Variants in ZNF69 observed in about 807,000 individuals in gnomAD.
The protein encoded by ZNF69 is zinc finger protein 69, also known as ZNF3.
ZNF69 carries 47 observed loss-of-function variants against 50.9 expected under a neutral mutation model. The observed-to-expected ratio is 0.92, with a 90% confidence interval of 0.73 to 1.18. The LOEUF is 1.18. ZNF69 is among the 50% of genes most tolerant of loss of function. The pLI is 0.00. For missense variants in ZNF69, 717 were observed against 675.1 expected, an observed-to-expected ratio of 1.06 and a Z score of -0.69; for synonymous variants, 216 against 223.1, an observed-to-expected ratio of 0.97 and a Z score of 0.29.
chr19:11,917,290 C>G (rs1047140887), downstream of ZNF69, among the ~76,000 whole-genome samples: 1 of 152,240 alleles, frequency 6.6e-6, no homozygotes, highest in African/African-American at 2.4e-5. Flanking sequence ...GAACCTTCCA[C>G]TGACTCACAG....
chr19:11,962,944 G>T, the ZNF69 span, among the ~76,000 whole-genome samples: 144 of 151,650 alleles, frequency 9.5e-4, no homozygotes, highest in African/African-American at 3.0e-3. Flanking sequence ...AGGTCATCCT[G>T]CCTGGTAAAT....
chr19:11,967,200 G>A, the ZNF69 span, among the ~76,000 whole-genome samples: 2 of 152,128 alleles, frequency 1.3e-5, no homozygotes, highest in African/African-American at 4.8e-5. Flanking sequence ...ACTGGGTGTG[G>A]TGGCCTGTGC....
At chr19:11,921,088 A>G in the ZNF69 span, among the ~76,000 whole-genome samples, 1 of 152,158 alleles carries the variant, frequency 6.6e-6, no homozygotes, top group Non-Finnish European at 1.5e-5. Flanking sequence ...TAATAAGTCT[A>G]TATATTGGTC....
the ZNF69 span, among the ~76,000 whole-genome samples, chr19:11,933,785 CAGTGAGCTGAG>C: frequency 1.4e-5 from 2 of 144,496 alleles, no homozygotes; most frequent in African/African-American, 5.6e-5. Context: ...GCGGAGCTTG[CAGTGAGCTGAG>C]ATGGCGCCAC....
At chr19:11,913,598 C>G (rs924379162) in exon 5 of ZNF69, 6 of 326,940 alleles carry the variant, frequency 1.8e-5, no homozygotes, top group East Asian at 4.7e-5. Context: ...ACCATATTGG[C>G]CAGGCTGGTC....
chr19:11,943,724 C>T, the ZNF69 span, among the ~76,000 whole-genome samples: 1,647 of 152,256 alleles, frequency 0.011, 23 homozygotes, highest in African/African-American at 0.035. Flanking sequence ...TAACTTGTTG[C>T]CCTACCTCAG....
At chr19:11,944,421 C>T in the ZNF69 span, among the ~76,000 whole-genome samples, 47 of 152,276 alleles carry the variant, frequency 3.1e-4, no homozygotes, top group Middle Eastern at 3.4e-3. Context: ...TCCACCTTTC[C>T]GGAACTCTGA....
Position 11,887,879 on chromosome 19 carries a change from A to C in ZNF69, c.-45A>C, listed in dbSNP as rs1313344666. The C allele has an allele frequency of 6.3e-7, 1 of 1,579,400 alleles. No homozygotes were observed. ...TCCGGTCTTTCCAGCCCCGAGAGGG[A>C]CCTGGTTCCTCTGCCCAGGCTTCTG... On this transcript the variant is annotated 5_prime_UTR_variant, in exon 1 of 4. Transcript: ENST00000429654.
chr19:11,948,351 T>C, the ZNF69 span: 1 of 1,613,986 alleles, frequency 6.2e-7, no homozygotes, highest in South Asian at 1.1e-5. Context: ...AGGTTCCAGA[T>C]GACAGACTGA....
chr19:11,924,732 T>C, the ZNF69 span, among the ~76,000 whole-genome samples: 1 of 152,086 alleles, frequency 6.6e-6, no homozygotes, highest in South Asian at 2.1e-4. Context: ...CCTGGCCTGG[T>C]CTCGGTTCCC....
the ZNF69 span, chr19:11,949,176 C>A: frequency 6.2e-6 from 10 of 1,612,844 alleles, no homozygotes; most frequent in Non-Finnish European, 8.5e-6. Context: ...AAAAAACTCA[C>A]ACTGGAGAGA....
At chr19:11,949,705 G>A in the ZNF69 span, 4 of 1,613,758 alleles carry the variant, frequency 2.5e-6, no homozygotes, top group Non-Finnish European at 3.4e-6. Context: ...TCACACTGGA[G>A]AGAAACCCTA....
chr19:11,954,804 G>A, the ZNF69 span, among the ~76,000 whole-genome samples: 1 of 152,078 alleles, frequency 6.6e-6, no homozygotes, highest in African/African-American at 2.4e-5. Context: ...CTGGGTAATT[G>A]AGTGAGGGCC....
the ZNF69 span, chr19:11,948,946 T>C: frequency 1.2e-6 from 2 of 1,608,496 alleles, no homozygotes; most frequent in Non-Finnish European, 1.7e-6. Context: ...GCCTTATCAA[T>C]GCAAAGAATG....
chr19:11,930,329 A>G, the ZNF69 span, among the ~76,000 whole-genome samples: 1 of 148,512 alleles, frequency 6.7e-6, no homozygotes, highest in South Asian at 2.1e-4. Context: ...GGCCACCCCA[A>G]CAAGGTTGTA....
chr19:11,970,530 T>C, the ZNF69 span, among the ~76,000 whole-genome samples: 1 of 152,252 alleles, frequency 6.6e-6, no homozygotes, highest in African/African-American at 2.4e-5. Context: ...ATGGAGATGA[T>C]GAGTAGTAGA....
chr19:11,930,727 G>A, the ZNF69 span, among the ~76,000 whole-genome samples: 1 of 148,206 alleles, frequency 6.7e-6, no homozygotes, highest in Non-Finnish European at 1.5e-5. Context: ...CAGACTGGGT[G>A]TGGTGGCTCA....
At chr19:11,962,252 A>G in the ZNF69 span, among the ~76,000 whole-genome samples, 2 of 152,182 alleles carry the variant, frequency 1.3e-5, no homozygotes, top group African/African-American at 4.8e-5. Context: ...CGCTGTCTCT[A>G]CTAAAAATAC....
chr19:11,956,392 C>T, the ZNF69 span: 1 of 390,454 alleles, frequency 2.6e-6, no homozygotes. Context: ...GATACTTTCC[C>T]TGATGAGGGG....
Sources: allele counts gnomAD v4.1 joint callset (sites outside exome capture counted in the v4.1 genomes callset), GRCh38; gene constraint gnomAD v4.1.1; transcripts MANE v1.5; gene names NCBI Gene and HGNC (gene_info 2026-07-23, HGNC 2026-07-21).